GOLGB1: variants seen among roughly 807,000 people sequenced by gnomAD.
GOLGB1 encodes golgin subfamily B member 1.
A neutral mutation model predicts 336.9 loss-of-function variants in GOLGB1; 174 were observed. The observed-to-expected ratio is 0.52, with a 90% confidence interval of 0.46 to 0.59. The LOEUF (loss-of-function observed/expected upper bound fraction) is 0.59, where lower values mean the gene tolerates loss of function less well. GOLGB1 is among the 20% of genes least tolerant of loss of function. The pLI is 0.00. For missense variants in GOLGB1, 3,331 were observed against 3,645.3 expected, an observed-to-expected ratio of 0.91 and a Z score of 2.22; for synonymous variants, 1,208 against 1,289.2, an observed-to-expected ratio of 0.94 and a Z score of 1.35.
intron 6 of GOLGB1, among the ~76,000 whole-genome samples, chr3:121,721,663 ACC>A (rs1945209768): frequency 6.6e-6 from 1 of 152,078 alleles, no homozygotes; most frequent in Non-Finnish European, 1.5e-5. Flanking sequence ...TGCGTGGCCA[ACC>A]AAGAAACCTA....
intron 15 of GOLGB1, among the ~76,000 whole-genome samples, chr3:121,680,800 A>G (rs1244570242): frequency 1.3e-5 from 2 of 152,274 alleles, no homozygotes; most frequent in African/African-American, 2.4e-5. Context: ...AAAACTTAAC[A>G]GTAAAAAATT....
rs546347582 is a variant in GOLGB1, at chr3:121,708,901, G to T, written c.1404+5960C>A. On this transcript the variant is annotated intron_variant, in intron 10 of 21. Coordinates refer to ENST00000614479, the MANE Select transcript of GOLGB1 (RefSeq NM_001366282.2). ...TCAATAATTACATTAAAAGGACTAG[G>T]CACTCCAATCACAAAGAAGAGAAGA... Among the ~76,000 whole-genome samples, 9 of 152,122 alleles carry T rather than the reference G, an allele frequency of 5.9e-5. No individual in the cohort carries two copies. The South Asian group carries it at 1.9e-3, about 32-fold the overall frequency.
intron 17 of GOLGB1, among the ~76,000 whole-genome samples, chr3:121,675,965 C>T (rs771007311): frequency 7.2e-5 from 11 of 152,098 alleles, no homozygotes; most frequent in Admixed American, 6.6e-5. Context: ...GTGGAACTTC[C>T]GGAAATAGCT....
At chr3:121,701,961 G>C (rs369352084) in intron 11 of GOLGB1, among the ~76,000 whole-genome samples, 1 of 152,070 alleles carries the variant, frequency 6.6e-6, no homozygotes, top group East Asian at 1.9e-4. Context: ...TCCTGAAAAA[G>C]ATAATATGCT....
At position 121,729,324 on chromosome 3, in the gene GOLGB1, G is replaced by T. The variant is rs1194201349; in HGVS notation, c.266C>A (p.Ala89Asp). 1 of 1,612,104 alleles carries T rather than the reference G, an allele frequency of 6.2e-7. No individual in the cohort carries two copies. Among genetic ancestry groups the T allele is most frequent in the Non-Finnish European group, 8.5e-7 (1 of 1,178,774 alleles). Residue 89 changes from alanine (A) to aspartate (D), a missense_variant, in exon 4 of 22, where the codon GCT (alanine) becomes GAT (aspartate). Coordinates refer to ENST00000614479, the MANE Select transcript of GOLGB1 (RefSeq NM_001366282.2). The stretch of plus-strand genomic sequence containing the variant: ...TTTTAGTTTTTTAATTTTGTTATCA[G>T]CAGCTTTTCTCTCTTCCTGCCCAAA... ...DEALQEERKA[A>D]DNKIKKLKLH...
chr3:121,671,703 T>C (rs1006339471), intron 17 of GOLGB1, among the ~76,000 whole-genome samples: 2 of 152,220 alleles, frequency 1.3e-5, no homozygotes, highest in Admixed American at 1.3e-4. Context: ...TGGTAAACTA[T>C]AATCACCTAT....
At chr3:121,720,003 C>A (rs756100440) in intron 6 of GOLGB1, among the ~76,000 whole-genome samples, 3 of 152,006 alleles carry the variant, frequency 2.0e-5, no homozygotes, top group Admixed American at 6.6e-5. Context: ...AAATTTTGAT[C>A]AAAAATTATA....
At chr3:121,719,961 C>T (rs1945065340) in intron 6 of GOLGB1, among the ~76,000 whole-genome samples, 193 bp from the exon 7 acceptor site, 1 of 152,068 alleles carries the variant, frequency 6.6e-6, no homozygotes. Flanking sequence ...GAGAGAAAGC[C>T]TATTTTCAAA....
chr3:121,691,184 A>G lies in GOLGB1; in HGVS notation c.8180T>C (p.Val2727Ala), dbSNP rs1942385030. The G allele has an allele frequency of 1.9e-6, 3 of 1,613,542 alleles. No individual in the cohort carries two copies. Among genetic ancestry groups the G allele is most frequent in the Non-Finnish European group, 2.5e-6 (3 of 1,179,904 alleles). ...LVEMEQKLLMVTKENKGLTAQ... is the reference protein window; with the variant it reads ...LVEMEQKLLMATKENKGLTAQ... ...TGTGAGACCTTTATTTTCTTTGGTG[A>G]CCATGAGTAATTTCTGTTCCATCTC... Residue 2727 changes from valine to alanine, a missense_variant, in exon 14 of 22, where the codon GTC (valine) becomes GCC (alanine). Physicochemically the swap from Val to Ala is moderately conservative, Grantham distance 64. Coordinates refer to ENST00000614479, the MANE Select transcript of GOLGB1 (RefSeq NM_001366282.2).
At chr3:121,668,403 C>T (rs1037860378) in intron 18 of GOLGB1, 6 of 275,066 alleles carry the variant, frequency 2.2e-5, no homozygotes, top group East Asian at 9.3e-5. Context: ...GGCCGGGCGC[C>T]GTGGCTCAAG....
At position 121,693,967 on chromosome 3, in the gene GOLGB1, C is replaced by T. The variant is rs759065075; in HGVS notation, c.6556G>A (p.Asp2186Asn). 1 of 1,614,120 alleles carries T rather than the reference C, an allele frequency of 6.2e-7. No homozygotes were observed. Among genetic ancestry groups the T allele is most frequent in the South Asian group, 1.1e-5 (1 of 91,082 alleles). Residue 2186 changes from aspartate to asparagine, a missense_variant, in exon 13 of 22, where the codon GAC becomes AAC. Physicochemically the swap from Asp to Asn is conservative, Grantham distance 23. Transcript: ENST00000614479. ...KEVQQLQENL[D>N]STVTQLAAFT... Reference sequence around the variant, plus strand: ...GCTGCAAGCTGGGTCACAGTACTGTCCAAGTTTTCCTGAAGTTGCTGAACT... The same window carrying T: ...GCTGCAAGCTGGGTCACAGTACTGTTCAAGTTTTCCTGAAGTTGCTGAACT...
chr3:121,712,899 C>T (rs1204461909), intron 10 of GOLGB1, among the ~76,000 whole-genome samples: 2 of 152,196 alleles, frequency 1.3e-5, no homozygotes, highest in African/African-American at 2.4e-5. Context: ...TGCGGTGGCT[C>T]ATGCCTGTAA....
chr3:121,718,808 C>T (rs1259088239), intron 7 of GOLGB1, among the ~76,000 whole-genome samples: 2 of 152,054 alleles, frequency 1.3e-5, no homozygotes, highest in Non-Finnish European at 2.9e-5. Flanking sequence ...CAGTTAATAA[C>T]CTGTACCTAG....
intron 1 of GOLGB1, among the ~76,000 whole-genome samples, chr3:121,738,884 T>C (rs550969949): frequency 2.0e-5 from 3 of 152,188 alleles, no homozygotes; most frequent in South Asian, 4.1e-4. Flanking sequence ...TGTCTGAAAA[T>C]AGCACAAGAG....
chr3:121,683,182 G>A (rs377544587), intron 14 of GOLGB1, among the ~76,000 whole-genome samples: 3 of 149,738 alleles, frequency 2.0e-5, no homozygotes, highest in South Asian at 2.1e-4. Flanking sequence ...GATTACAGGC[G>A]TGAGCCACTG....
At chr3:121,684,586 G>A (rs1027899002) in intron 14 of GOLGB1, among the ~76,000 whole-genome samples, 1 of 152,090 alleles carries the variant, frequency 6.6e-6, no homozygotes, top group Non-Finnish European at 1.5e-5. Flanking sequence ...AAAGGATCAG[G>A]AATCAGAATA....
intron 10 of GOLGB1, among the ~76,000 whole-genome samples, chr3:121,707,225 C>CAAAAAAAAAAAAAAAAA (rs554313106): frequency 7.5e-5 from 7 of 93,634 alleles, no homozygotes; most frequent in East Asian, 2.9e-4. Flanking sequence ...GACTCCATCT[C>CAAAAAAAAAAAAAAAAA]AAAAAAAAAA....
intron 1 of GOLGB1, among the ~76,000 whole-genome samples, chr3:121,740,545 C>T (rs1255682246): frequency 6.6e-6 from 1 of 152,192 alleles, no homozygotes; most frequent in Non-Finnish European, 1.5e-5. Flanking sequence ...ATTTTGTACA[C>T]TGCTAATGTC....
At chr3:121,712,558 A>G (rs1252159624) in intron 10 of GOLGB1, among the ~76,000 whole-genome samples, 1 of 152,250 alleles carries the variant, frequency 6.6e-6, no homozygotes, top group Non-Finnish European at 1.5e-5. Context: ...TTCACCAAAC[A>G]TATATGATAA....
Sources: allele counts gnomAD v4.1 joint callset (sites outside exome capture counted in the v4.1 genomes callset), GRCh38; gene constraint gnomAD v4.1.1; transcripts MANE v1.5; gene names NCBI Gene and HGNC (gene_info 2026-07-23, HGNC 2026-07-21).